Variants in TFPI observed in about 807,000 individuals in gnomAD.
TFPI encodes the protein tissue factor pathway inhibitor.
In TFPI, 15 loss-of-function variants were observed where a neutral mutation model predicts 34.6. The observed-to-expected ratio is 0.43, with a 90% confidence interval of 0.29 to 0.67. The LOEUF is 0.67. TFPI is among the 30% of genes least tolerant of loss of function. TFPI has a pLI of 0.15. For synonymous variants in TFPI, 105 were observed against 120.1 expected (o/e 0.87, Z 0.82); for missense variants, 301 against 364.0 (o/e 0.83, Z 1.41).
At chr2:187,518,361 C>T (rs1386776807) in intron 1 of TFPI, 2 of 152,166 alleles carry the variant, frequency 1.3e-5, no homozygotes, top group Non-Finnish European at 2.9e-5. Context: ...TCAGCATTTG[C>T]TTGTCTGTAA....
At chr2:187,544,004 C>G (rs1688719529) in intron 1 of TFPI, among the ~76,000 whole-genome samples, 1 of 152,084 alleles carries the variant, frequency 6.6e-6, no homozygotes, top group Non-Finnish European at 1.5e-5. Context: ...GTTGAAGGAA[C>G]CAGTCTTGAA....
chr2:187,484,081 G>T, intron 6 of TFPI, 43 bp downstream of exon 6: 1 of 1,505,818 alleles, frequency 6.6e-7, no homozygotes, highest in Non-Finnish European at 9.2e-7. Context: ...TTGTTAGCAT[G>T]ATAATAGTTT....
intron 3 of TFPI, among the ~76,000 whole-genome samples, chr2:187,491,723 G>A (rs566599293): frequency 6.6e-6 from 1 of 152,202 alleles, no homozygotes; most frequent in South Asian, 2.1e-4. Flanking sequence ...ACAGCCAGTA[G>A]TGGGATTGCT....
chr2:187,502,718 T>G (rs1395896062), intron 2 of TFPI, among the ~76,000 whole-genome samples: 1 of 152,234 alleles, frequency 6.6e-6, no homozygotes, highest in East Asian at 1.9e-4. Flanking sequence ...GGAAATAAAC[T>G]GTCCACCCTT....
chr2:187,466,409 T>A lies in TFPI; in HGVS notation c.*527A>T, dbSNP rs78970054. 6.6e-6 allele frequency: 1 copy of A among 152,628 alleles called. No homozygotes were observed. Among genetic ancestry groups the A allele is most frequent in the Admixed American group, 6.5e-5 (1 of 15,278 alleles). The allele number at this position is 152,628 out of a possible 1,614,324, so 9.5% of individuals were successfully genotyped here. ...GGTTAGTACAAAAGGAGAAAAACTA[T>A]GTCTAAGGAGGGAAGCACATAATAG... is the stretch of plus-strand genomic sequence containing the variant. On this transcript the variant is annotated 3_prime_UTR_variant, in exon 8 of 8. Coordinates refer to ENST00000233156, the MANE Select transcript of TFPI (RefSeq NM_006287.6).
intron 1 of TFPI, among the ~76,000 whole-genome samples, chr2:187,545,009 G>T (rs961120645): frequency 6.6e-6 from 1 of 151,486 alleles, no homozygotes; most frequent in African/African-American, 2.4e-5. Context: ...CTCCTCGGAG[G>T]CTGAGGCAGG....
intron 1 of TFPI, among the ~76,000 whole-genome samples, chr2:187,511,065 C>T (rs769764497): frequency 6.6e-6 from 1 of 152,212 alleles, no homozygotes; most frequent in Admixed American, 6.5e-5. Flanking sequence ...CCAGCTTGAG[C>T]GATGCAGATC....
chr2:187,501,929 T>G (rs1227194830), intron 2 of TFPI, among the ~76,000 whole-genome samples: 1 of 152,124 alleles, frequency 6.6e-6, no homozygotes, highest in Non-Finnish European at 1.5e-5. Flanking sequence ...GCAATAAAAT[T>G]TGATGTATTT....
At chr2:187,477,583 G>T (rs1393528793) in intron 6 of TFPI, among the ~76,000 whole-genome samples, 1 of 152,054 alleles carries the variant, frequency 6.6e-6, no homozygotes, top group Non-Finnish European at 1.5e-5. Flanking sequence ...AGTTCTCATG[G>T]TTTCAGTATT....
chr2:187,541,987 C>A (rs1443422519), intron 1 of TFPI, among the ~76,000 whole-genome samples: 1 of 152,064 alleles, frequency 6.6e-6, no homozygotes, highest in African/African-American at 2.4e-5. Flanking sequence ...TCACAAGTAA[C>A]CTTCTAAAAT....
At chr2:187,490,689 C>G (rs989499699) in intron 3 of TFPI, among the ~76,000 whole-genome samples, 1 of 151,586 alleles carries the variant, frequency 6.6e-6, no homozygotes, top group Non-Finnish European at 1.5e-5. Flanking sequence ...TACCTTTTAA[C>G]TGGCGTGACT....
At chr2:187,518,318 C>T (rs1687144496) in intron 1 of TFPI, 1 of 152,174 alleles carries the variant, frequency 6.6e-6, no homozygotes, top group Admixed American at 6.5e-5. Context: ...TAGAGGAGCT[C>T]TTTTAAGGCA....
chr2:187,484,308 T>C, intron 5 of TFPI, 92 bp from the exon 6 acceptor site: 1 of 970,284 alleles, frequency 1.0e-6, no homozygotes. Context: ...AAAAGCAGAC[T>C]TCTGGCAATT....
intron 2 of TFPI, among the ~76,000 whole-genome samples, chr2:187,499,258 T>G (rs1205520041): frequency 6.6e-6 from 1 of 151,990 alleles, no homozygotes; most frequent in Non-Finnish European, 1.5e-5. Flanking sequence ...TGGTAAAATT[T>G]TCCATTTTTC....
rs553253263 is a variant in TFPI at position 187,464,407 on chromosome 2, T to TA, written c.*2528_*2529insT. ...ATTCACAGTTAGATGCACTTAATTG[T>TA]GGAAAATAAAGGAAGACAATAACAT... is the stretch of plus-strand genomic sequence containing the variant. On this transcript the variant is annotated 3_prime_UTR_variant, in exon 8 of 8. Coordinates refer to ENST00000233156, the MANE Select transcript of TFPI (RefSeq NM_006287.6). 2 of 152,114 alleles carry TA rather than the reference T, an allele frequency of 1.3e-5. No homozygotes were observed. The highest frequency in any genetic ancestry group is 6.6e-5 in the Admixed American group (1 of 15,254). 9.4% of individuals were successfully genotyped at this position (152,114 alleles called of 1,614,324 possible).
rs2105936268 is a variant in TFPI, at chr2:187,465,692, T to C, written c.*1244A>G. ...AGAACAGGCAGAATTATACTATCATTGTTAGCGAGAAGTCATGAAGCTATT... is the reference window on the plus strand; with the variant it reads ...AGAACAGGCAGAATTATACTATCATCGTTAGCGAGAAGTCATGAAGCTATT... On this transcript the variant is annotated 3_prime_UTR_variant, in exon 8 of 8. Coordinates refer to ENST00000233156, the MANE Select transcript of TFPI (RefSeq NM_006287.6). The C allele has an allele frequency of 1.3e-5, 2 of 152,170 alleles. No homozygotes were observed. Among genetic ancestry groups the C allele is most frequent in the South Asian group, 4.2e-4 (2 of 4,816 alleles). The allele number at this position is 152,170 out of a possible 1,614,324, so 9.4% of individuals were successfully genotyped here. A position where few individuals can be genotyped will look rare whatever the true frequency, so the allele number is the denominator to read the frequency against.
chr2:187,478,514 T>G (rs1004756731), intron 6 of TFPI: 17 of 1,114,136 alleles, frequency 1.5e-5, no homozygotes, highest in Non-Finnish European at 2.0e-5. Flanking sequence ...CACGAACTCC[T>G]GAGAATATTC....
intron 4 of TFPI, among the ~76,000 whole-genome samples, chr2:187,486,160 T>G (rs1273633300): frequency 6.6e-6 from 1 of 151,730 alleles, no homozygotes; most frequent in Non-Finnish European, 1.5e-5. Flanking sequence ...GTATTGCCTC[T>G]TGATCTTTCA....
At chr2:187,522,665 C>CAAGGCG (rs1687448183) in intron 1 of TFPI, among the ~76,000 whole-genome samples, 1 of 146,750 alleles carries the variant, frequency 6.8e-6, no homozygotes, top group Non-Finnish European at 1.5e-5. Flanking sequence ...GGGTGGATCA[C>CAAGGCG]GAGGTCAGGA....
Sources: gnomAD v4.1 joint callset for allele counts (sites outside exome capture counted in the v4.1 genomes callset) on GRCh38, gnomAD v4.1.1 for gene constraint, MANE v1.5 for transcripts, NCBI Gene and HGNC (gene_info 2026-07-23, HGNC 2026-07-21) for gene names.